RNF19B: variants seen among roughly 807,000 people sequenced by gnomAD.
RNF19B encodes ring finger protein 19B, also known as E3 ubiquitin-protein ligase RNF19B.
In RNF19B, 23 loss-of-function variants were observed where a neutral mutation model predicts 65.5. That is an observed-to-expected ratio of 0.35 (90% CI 0.25 to 0.50). The LOEUF (loss-of-function observed/expected upper bound fraction) is 0.50. Ranked by LOEUF, RNF19B falls within the 20% of genes least tolerant of loss-of-function variation. The pLI is 0.98. For synonymous variants in RNF19B, 372 were observed against 379.6 expected (o/e 0.98, Z 0.23); for missense variants, 794 against 980.0 (o/e 0.81, Z 2.53).
chr1:32,932,598 C>T (rs1642040524), downstream of RNF19B, among the ~76,000 whole-genome samples: 1 of 152,202 alleles, frequency 6.6e-6, no homozygotes, highest in South Asian at 2.1e-4. Flanking sequence ...CAAGCTTCTT[C>T]ACATTGGCCT....
At chr1:32,934,671 A>G (rs377635050), downstream of RNF19B, among the ~76,000 whole-genome samples, 62 of 151,904 alleles carry the variant, frequency 4.1e-4, no homozygotes, top group African/African-American at 1.4e-3. Flanking sequence ...ACAGAGCCAG[A>G]CTCCGTCTCT....
chr1:32,939,430 ACC>A (rs1280237117), intron 7 of RNF19B, among the ~76,000 whole-genome samples: 290 of 152,168 alleles, frequency 1.9e-3, no homozygotes, highest in African/African-American at 6.4e-3. Flanking sequence ...TCAGGTGATC[ACC>A]CACCTAAAAA....
downstream of RNF19B, among the ~76,000 whole-genome samples, chr1:32,931,851 CAA>C (rs950310389): frequency 2.6e-5 from 4 of 152,168 alleles, no homozygotes; most frequent in African/African-American, 7.2e-5. Context: ...GTCTTTTCTC[CAA>C]AAGACATTTC....
At chr1:32,949,309 ATCTGAGACATATT>A (rs1296297958) in intron 2 of RNF19B, among the ~76,000 whole-genome samples, 3 of 152,202 alleles carry the variant, frequency 2.0e-5, no homozygotes, top group African/African-American at 7.2e-5. Flanking sequence ...TTGCTCTCCA[ATCTGAGACATATT>A]ACTAAGAAAG....
intron 1 of RNF19B, among the ~76,000 whole-genome samples, chr1:32,961,539 T>G (rs1285093068): frequency 6.6e-6 from 1 of 152,172 alleles, no homozygotes; most frequent in East Asian, 1.9e-4. Flanking sequence ...CAAGGTTGTA[T>G]CGAATTAAAT....
At chr1:32,956,199 T>C (rs1332474165) in intron 1 of RNF19B, among the ~76,000 whole-genome samples, 1 of 151,726 alleles carries the variant, frequency 6.6e-6, no homozygotes, top group Non-Finnish European at 1.5e-5. Context: ...AACCCCTCTC[T>C]ACTAAAAATA....
chr1:32,944,384 ATCT>A (rs1396258698), intron 5 of RNF19B, among the ~76,000 whole-genome samples: 1 of 152,230 alleles, frequency 6.6e-6, no homozygotes, highest in African/African-American at 2.4e-5. Context: ...CCTTGGACCT[ATCT>A]TCCCAGGGTT....
chr1:32,930,362 G>A, the RNF19B span, among the ~76,000 whole-genome samples: 1 of 148,444 alleles, frequency 6.7e-6, no homozygotes, highest in African/African-American at 2.5e-5. Flanking sequence ...CATCCGCCTC[G>A]GCCTCCCAAT....
chr1:32,933,089 A>G (rs116249547), downstream of RNF19B, among the ~76,000 whole-genome samples: 380 of 152,280 alleles, frequency 2.5e-3, 2 homozygotes, highest in African/African-American at 8.7e-3. Context: ...TCCAGGTTAT[A>G]TATCTGATTG....
At chr1:32,956,193 CCT>C (rs1323751459) in intron 1 of RNF19B, among the ~76,000 whole-genome samples, 1 of 151,680 alleles carries the variant, frequency 6.6e-6, no homozygotes, top group African/African-American at 2.4e-5. Context: ...TGACAAAACC[CCT>C]CTCTACTAAA....
intron 1 of RNF19B, among the ~76,000 whole-genome samples, chr1:32,951,951 C>G (rs566864415): frequency 2.3e-4 from 34 of 147,790 alleles, no homozygotes; most frequent in Admixed American, 7.5e-4. Flanking sequence ...CCCGCCACCA[C>G]GCCCGGCTTT....
rs557816364 is a variant in RNF19B, at chr1:32,952,649, G to C, written c.636-2875C>G. On this transcript the variant is annotated intron_variant, in intron 1 of 8. Transcript: ENST00000235150. ...CCCAGCTACTCAGGAGGCTGAGGGA[G>C]GAGAATCGCTTGAACCCGGGAGGTG... Among the ~76,000 whole-genome samples the C allele has an allele frequency of 5.4e-4, 82 of 151,704 alleles. 1 individual carries two copies. The highest frequency in any genetic ancestry group is 1.8e-3 in the African/African-American group (73 of 41,396).
rs751973019 is a variant in RNF19B at position 32,964,449 on chromosome 1, C to A, written c.237G>T (p.Ala79=). 3,687 of 1,022,680 alleles carry A rather than the reference C, an allele frequency of 3.6e-3. 12 individuals are homozygous for A. Among genetic ancestry groups the A allele is most frequent in the Non-Finnish European group, 3.9e-3 (3,358 of 855,158 alleles). The allele number at this position is 1,022,680 out of a possible 1,614,324, so 63.4% of individuals were successfully genotyped here. A position where few individuals can be genotyped will look rare whatever the true frequency, so the allele number is the denominator to read the frequency against. Residue 79 remains alanine, a synonymous_variant, in exon 1 of 9, where the codon GCG becomes GCT. Coordinates refer to ENST00000235150, the MANE Select transcript of RNF19B (RefSeq NM_001300826.2). The surrounding 1 kb of genome is among the most constrained non-coding windows in gnomAD (Gnocchi z 6.5). ...CCTCGGCGGCCGGCTCGGCGGGCAG[C>A]GCCTCGGGCGGCGGGCCCTGGGCCG... ...PAAAQGPPPE[A]LPAEPAAEAE...
In RNF19B at chr1:32,937,029, T is replaced by A; in HGVS notation, c.1973A>T (p.Gln658Leu). Residue 658 changes from glutamine to leucine, a missense_variant, in exon 9 of 9, where the codon CAG becomes CTG. This residue lies in a region of RNF19B where 368 missense variants were observed against 447.3 expected (regional missense o/e 0.82). Transcript: ENST00000235150. The stretch of plus-strand genomic sequence containing the variant: ...TAGGTCACTGCGGATGCTTTCAGGC[T>A]GGGCCAGGCTGATGTCCCAAGGTTT... ...ASKPWDISLA[Q>L]PESIRSDLES... is the part of the protein sequence containing the mutation. 6.2e-7 allele frequency: 1 copy of A among 1,614,250 alleles called. No individual in the cohort carries two copies. Among genetic ancestry groups the A allele is most frequent in the Non-Finnish European group, 8.5e-7 (1 of 1,180,046 alleles).
rs187311346 is a variant in RNF19B at position 32,959,952 on chromosome 1, G to A, written c.635+4099C>T. ...TGTGGTCCCAGCTACTCAGGAGGCT[G>A]AGGCAGGAGAATGGCGTGAACCCGG... On this transcript the variant is annotated intron_variant, in intron 1 of 8. Coordinates refer to ENST00000235150, the MANE Select transcript of RNF19B (RefSeq NM_001300826.2). Among the ~76,000 whole-genome samples, 687 of 151,864 alleles carry A rather than the reference G, an allele frequency of 4.5e-3. 3 individuals are homozygous for A. The highest frequency in any genetic ancestry group is 8.0e-3 in the Non-Finnish European group (544 of 67,966).
chr1:32,955,883 A>G (rs1273013744), intron 1 of RNF19B, among the ~76,000 whole-genome samples: 1 of 152,198 alleles, frequency 6.6e-6, no homozygotes, highest in Non-Finnish European at 1.5e-5. Flanking sequence ...CCAATCAGTC[A>G]GGCTTGCTAA....
intron 1 of RNF19B, among the ~76,000 whole-genome samples, chr1:32,959,302 G>A (rs1642715126): frequency 6.6e-6 from 1 of 152,164 alleles, no homozygotes; most frequent in South Asian, 2.1e-4. Context: ...TTATTCATCT[G>A]TACAGAAGAT....
intron 1 of RNF19B, among the ~76,000 whole-genome samples, chr1:32,953,225 T>C (rs1446978339): frequency 6.6e-6 from 1 of 151,900 alleles, no homozygotes; most frequent in African/African-American, 2.4e-5. Flanking sequence ...CCTCCCGCCT[T>C]AGCCTCCCAA....
At chr1:32,933,315 C>T (rs545193336), downstream of RNF19B, among the ~76,000 whole-genome samples, 6 of 151,614 alleles carry the variant, frequency 4.0e-5, no homozygotes, top group South Asian at 6.3e-4. Flanking sequence ...AGTGCAGTGG[C>T]GCAATCTCAG....
Sources: gnomAD v4.1 joint callset for allele counts (sites outside exome capture counted in the v4.1 genomes callset) on GRCh38, gnomAD v4.1.1 for gene constraint, gnomAD v4.1.1 regional missense constraint, Gnocchi (gnomAD v3.1) non-coding constraint, MANE v1.5 for transcripts, NCBI Gene and HGNC (gene_info 2026-07-23, HGNC 2026-07-21) for gene names.